Variants in DMD observed in about 807,000 individuals in gnomAD.
The protein encoded by DMD is dystrophin.
DMD carries 63 observed loss-of-function variants against 330.1 expected under a neutral mutation model. The ratio of observed to expected loss-of-function variants is 0.19; its 90% CI spans 0.16 to 0.24. The LOEUF is 0.24. Ranked by LOEUF, DMD falls within the 10% of genes least tolerant of loss-of-function variation. The pLI is 1.00. For missense variants in DMD, 3,344 were observed against 2,684.1 expected, an observed-to-expected ratio of 1.25 and a Z score of -5.43; for synonymous variants, 1,223 against 959.8, an observed-to-expected ratio of 1.27 and a Z score of -5.07.
intron 2 of DMD, among the ~76,000 whole-genome samples, chrX:32,894,741 C>T (rs950113091): frequency 5.4e-5 from 6 of 112,076 alleles, no homozygotes; most frequent in African/African-American, 1.9e-4. Flanking sequence ...TAAGGGTATG[C>T]GCACATTATT....
chrX:31,798,031 T>C (rs747694732), intron 50 of DMD, among the ~76,000 whole-genome samples: 1 of 112,097 alleles, frequency 8.9e-6, no homozygotes, highest in Admixed American at 9.5e-5. Context: ...TTTTCTTTTA[T>C]AGGTGGAAAT....
intron 44 of DMD, among the ~76,000 whole-genome samples, chrX:32,090,514 G>A: frequency 9.0e-6 from 1 of 111,247 alleles, no homozygotes; most frequent in South Asian, 3.8e-4. Context: ...CCACTTTTAA[G>A]GTGGGGATTA....
At chrX:32,933,554 C>T (rs1223427669) in intron 2 of DMD, among the ~76,000 whole-genome samples, 1 of 111,771 alleles carries the variant, frequency 8.9e-6, no homozygotes, top group African/African-American at 3.3e-5. Context: ...AGAGATAACA[C>T]TAAAAATAAC....
At chrX:32,211,455 T>C (rs1343424431) in intron 44 of DMD, among the ~76,000 whole-genome samples, 1 of 112,095 alleles carries the variant, frequency 8.9e-6, no homozygotes, top group Non-Finnish European at 1.9e-5. Flanking sequence ...ATAAATATAT[T>C]GCACATTTAC....
In DMD at chrX:33,139,619, A is replaced by T. The variant is rs184462107; in HGVS notation, c.31+71663T>A. 1.6e-4 allele frequency among the ~76,000 whole-genome samples: 18 copies of T among 109,493 alleles called. No individual in the cohort carries two copies. In the Admixed American group the frequency reaches 1.7e-3, roughly 10 times the overall value. On this transcript the variant is annotated intron_variant, in intron 1 of 78. Coordinates refer to ENST00000357033, the MANE Select transcript of DMD (RefSeq NM_004006.3). ...GTATTCTCATGAGATACGGTTGCTT[A>T]AAAGTGTTTGACACCTCCCACTCTC... is the stretch of plus-strand genomic sequence containing the variant.
chrX:31,451,098 G>GTT (rs112471415), intron 59 of DMD, among the ~76,000 whole-genome samples: 4 of 72,887 alleles, frequency 5.5e-5, no homozygotes, highest in Admixed American at 1.4e-4. Context: ...CTTATATTTT[G>GTT]TTTTTTTTTT....
chrX:32,514,092 T>A (rs139165721), intron 18 of DMD, among the ~76,000 whole-genome samples: 10 of 110,588 alleles, frequency 9.0e-5, no homozygotes, highest in Non-Finnish European at 1.9e-4. Flanking sequence ...GATAAAGACC[T>A]GGGATGTAGA....
At chrX:31,439,715 A>T (rs1265806203) in intron 60 of DMD, among the ~76,000 whole-genome samples, 1 of 112,072 alleles carries the variant, frequency 8.9e-6, no homozygotes, top group Non-Finnish European at 1.9e-5. Flanking sequence ...ATGGTATAAT[A>T]TTCCTTTATA....
intron 40 of DMD, chrX:32,342,760 A>T: frequency 3.1e-6 from 1 of 326,890 alleles, no homozygotes. Context: ...ATCTATAGAG[A>T]GTGAACACTG....
At chrX:31,998,648 G>A (rs1160183657) in intron 44 of DMD, among the ~76,000 whole-genome samples, 4 of 111,422 alleles carry the variant, frequency 3.6e-5, no homozygotes, top group African/African-American at 9.8e-5. Flanking sequence ...CTGGGATCAC[G>A]TCGTAACCTG....
intron 6 of DMD, among the ~76,000 whole-genome samples, chrX:32,811,917 A>G (rs1046711361): frequency 2.8e-4 from 31 of 112,257 alleles, no homozygotes; most frequent in Non-Finnish European, 5.4e-4. Flanking sequence ...TTAGGGAAGG[A>G]AAAAAGCAAA....
At chrX:32,285,844 C>G (rs1479376635) in intron 43 of DMD, among the ~76,000 whole-genome samples, 1 of 110,699 alleles carries the variant, frequency 9.0e-6, no homozygotes, top group South Asian at 3.8e-4. Flanking sequence ...GGACTACAAG[C>G]GCATGCCACC....
intron 18 of DMD, among the ~76,000 whole-genome samples, chrX:32,503,604 G>A (rs1163359389): frequency 4.5e-5 from 5 of 111,341 alleles, no homozygotes; most frequent in Non-Finnish European, 9.4e-5. Context: ...CGCCCAGGCT[G>A]GAGTGCAGTG....
intron 1 of DMD, among the ~76,000 whole-genome samples, chrX:33,190,914 T>TTA (rs1273065184): frequency 0.024 from 27 of 1,105 alleles, 3 homozygotes; most frequent in African/African-American, 0.071. Context: ...ATATATAATA[T>TTA]TATATATATA....
chrX:33,225,772 G>C (rs976985777), intron 1 of DMD, among the ~76,000 whole-genome samples: 1 of 110,596 alleles, frequency 9.0e-6, no homozygotes, highest in Non-Finnish European at 1.9e-5. Context: ...AGAGGATGAA[G>C]AGACAGGCTG....
chrX:33,059,339 T>C (rs949278459), intron 1 of DMD, among the ~76,000 whole-genome samples: 6 of 111,149 alleles, frequency 5.4e-5, no homozygotes, highest in African/African-American at 2.0e-4. Flanking sequence ...ACTGTAAATT[T>C]TCTTAGCTAA....
intron 1 of DMD, among the ~76,000 whole-genome samples, chrX:33,324,381 G>A (rs952480837): frequency 1.3e-4 from 14 of 111,615 alleles, no homozygotes; most frequent in East Asian, 5.6e-4. Flanking sequence ...TGTGTAATGT[G>A]TTAAGAACAA....
intron 12 of DMD, among the ~76,000 whole-genome samples, chrX:32,607,233 G>C (rs1026805027): frequency 2.7e-5 from 3 of 109,910 alleles, no homozygotes; most frequent in Non-Finnish European, 5.8e-5. Context: ...TAGGTGGTGA[G>C]GAAATGCTTA....
intron 52 of DMD, among the ~76,000 whole-genome samples, chrX:31,723,689 T>C (rs1306012717): frequency 9.7e-6 from 1 of 103,287 alleles, no homozygotes; most frequent in Non-Finnish European, 2.0e-5. Context: ...GATATTCGTC[T>C]TCCACCCCAC....
Sources: gnomAD v4.1 joint callset for allele counts (sites outside exome capture counted in the v4.1 genomes callset) on GRCh38, gnomAD v4.1.1 for gene constraint, MANE v1.5 for transcripts, NCBI Gene and HGNC (gene_info 2026-07-23, HGNC 2026-07-21) for gene names.